Variants in GOLGA3 observed in about 807,000 individuals in gnomAD.
The protein encoded by GOLGA3 is golgin subfamily A member 3.
Under a neutral mutation model 169.4 loss-of-function variants are expected in GOLGA3, and 75 were observed. That is an observed-to-expected ratio of 0.44 (90% CI 0.37 to 0.54). The LOEUF (loss-of-function observed/expected upper bound fraction) is 0.54. Ranked by LOEUF, GOLGA3 falls within the 20% of genes least tolerant of loss-of-function variation. GOLGA3 has a pLI of 0.00. For synonymous variants in GOLGA3, 824 were observed against 822.4 expected (o/e 1.00, Z -0.03); for missense variants, 1,899 against 1,930.0 (o/e 0.98, Z 0.30).
chr12:132,822,070 G>A lies in GOLGA3; in HGVS notation c.59C>T (p.Pro20Leu), dbSNP rs1428248653. ...CAGTGGGGCCTCGGGGAGAGACGAG[G>A]GGCCACTGTGGGATCTGTCCTCCTG... Reference protein sequence around the residue: ...GLQEDRSHSGPSSLPEAPLKP... With the variant: ...GLQEDRSHSGLSSLPEAPLKP... The change falls in exon 2 of 24, where the codon CCC becomes CTC. Residue 20 changes from proline to leucine, a missense_variant. Pro to Leu is a moderately conservative substitution (Grantham distance 98). Transcript: ENST00000450791. The A allele has an allele frequency of 1.1e-5, 17 of 1,606,632 alleles. No individual in the cohort carries two copies. The East Asian group carries it at 2.7e-4, about 26-fold the overall frequency.
intron 11 of GOLGA3, among the ~76,000 whole-genome samples, chr12:132,795,631 CA>C (rs1207972022): frequency 1.3e-5 from 2 of 152,114 alleles, no homozygotes; most frequent in African/African-American, 4.8e-5. Context: ...CATGGTGGCG[CA>C]CACCTGTAAT....
chr12:132,791,048 CTCAAAAAA>C (rs2046200312), intron 12 of GOLGA3, among the ~76,000 whole-genome samples, 160 bp downstream of exon 12: 1 of 21,922 alleles, frequency 4.6e-5, no homozygotes, highest in South Asian at 2.9e-3. Context: ...GAGACTCCGT[CTCAAAAAA>C]AAAAAAAAAA....
intron 3 of GOLGA3, among the ~76,000 whole-genome samples, chr12:132,814,253 A>G (rs2136682576): frequency 6.8e-6 from 1 of 147,938 alleles, no homozygotes; most frequent in African/African-American, 2.5e-5. Flanking sequence ...CGAACTCCCG[A>G]CCTGAGGTGA....
At chr12:132,791,574 G>A (rs906438755) in intron 11 of GOLGA3, among the ~76,000 whole-genome samples, 14 of 147,606 alleles carry the variant, frequency 9.5e-5, no homozygotes, top group South Asian at 4.3e-4. Flanking sequence ...TTACACTGAG[G>A]GCTCCAGGAA....
intron 21 of GOLGA3, among the ~76,000 whole-genome samples, chr12:132,775,669 C>G (rs2045187908): frequency 6.6e-6 from 1 of 152,228 alleles, no homozygotes. Context: ...CCACAGCTCA[C>G]TGCCTAAGTG....
At position 132,816,612 on chromosome 12, in the gene GOLGA3, C is replaced by G. The variant is rs1466444245; in HGVS notation, c.334G>C (p.Ala112Pro). Residue 112 changes from alanine to proline, a missense_variant, in exon 3 of 24, where the codon GCT becomes CCT. Ala to Pro is a conservative substitution (Grantham distance 27). Coordinates refer to ENST00000450791, the MANE Select transcript of GOLGA3 (RefSeq NM_001389683.1). ...DNLRKSQGTSAEGSVRKEALQ... is the reference protein window; with the variant it reads ...DNLRKSQGTSPEGSVRKEALQ... ...GCTTCTTTTCTAACACTGCCCTCAG[C>G]ACTAGTTCCCTGAGACTTCCTTAGG... is the stretch of plus-strand genomic sequence containing the variant. 6.2e-7 allele frequency: 1 copy of G among 1,614,086 alleles called. No homozygotes were observed. Among genetic ancestry groups the G allele is most frequent in the Admixed American group, 1.7e-5 (1 of 60,032 alleles).
chr12:132,806,446 G>A (rs1447075482), intron 6 of GOLGA3, among the ~76,000 whole-genome samples: 1 of 152,214 alleles, frequency 6.6e-6, no homozygotes, highest in Non-Finnish European at 1.5e-5. Flanking sequence ...GTCACAAACT[G>A]GTTGGTTTGT....
In GOLGA3 at chr12:132,770,232, CA is replaced by C. The variant is rs10553966; in HGVS notation, c.*2872del. ...TGGGCGACAGAGCGAGACTCTGTCT[CA>C]AAAAAAAAAAAAAAAAATTCCAACT... On this transcript the variant is annotated 3_prime_UTR_variant, in exon 24 of 24. Transcript: ENST00000450791. 72,125 of 135,538 alleles carry C rather than the reference CA, an allele frequency of 0.53. 18,763 individuals carry two copies. The highest frequency in any genetic ancestry group is 0.69 in the Middle Eastern group (183 of 264). The allele number at this position is 135,538 out of a possible 1,614,324, so 8.4% of individuals were successfully genotyped here. A position where few individuals can be genotyped will look rare whatever the true frequency, so the allele number is the denominator to read the frequency against.
In GOLGA3 at chr12:132,796,364, C is replaced by G. The variant is rs112799130; in HGVS notation, c.2101-144G>C. The G allele has an allele frequency of 5.7e-6, 7 of 1,219,456 alleles. No homozygotes were observed. The African/African-American group carries it at 6.1e-5, about 11-fold the overall frequency. The allele number at this position is 1,219,456 out of a possible 1,614,324, so 75.5% of individuals were successfully genotyped here. ...CACAATCCTGGTATAGAAGAACCAG[C>G]AGGGCAAACACAGGGTCAGGTCTGC... On this transcript the variant is annotated intron_variant, in intron 10 of 23. Transcript: ENST00000450791.
chr12:132,808,360 T>A lies in GOLGA3; in HGVS notation c.709A>T (p.Thr237Ser), dbSNP rs1204181921. ...GLPAHPREKKTSKSSKIRSLA... is the reference protein window; with the variant it reads ...GLPAHPREKKSSKSSKIRSLA... ...GACCGGATTTTGCTTGATTTGGAAG[T>A]TTTTTTCTCCCTAGGATGTGCCGGA... Residue 237 changes from threonine to serine, a missense_variant, in exon 5 of 24, where the codon ACT becomes TCT. Coordinates refer to ENST00000450791, the MANE Select transcript of GOLGA3 (RefSeq NM_001389683.1). 6.2e-7 allele frequency: 1 copy of A among 1,614,016 alleles called. No homozygotes were observed. The highest frequency in any genetic ancestry group is 1.7e-5 in the Admixed American group (1 of 59,998).
In GOLGA3 at chr12:132,808,008, G is replaced by A. The variant is rs151057597; in HGVS notation, c.1061C>T (p.Thr354Ile). The A allele has an allele frequency of 1.0e-4, 165 of 1,611,686 alleles. No individual in the cohort carries two copies. Among genetic ancestry groups the A allele is most frequent in the Middle Eastern group, 1.6e-4 (1 of 6,078 alleles). Residue 354 changes from threonine to isoleucine, a missense_variant, in exon 5 of 24, where the codon ACC (threonine) becomes ATC (isoleucine). Transcript: ENST00000450791. ...CTTAATGGAGGGGAACTGGCCCAGG[G>A]TATCCGCAGGAATCTCCTGGCCGTT... ...MVNGQEIPAD[T>I]LGQFPSIKDV...
chr12:132,779,830 C>A (rs1402383176), intron 18 of GOLGA3, among the ~76,000 whole-genome samples: 3 of 118,404 alleles, frequency 2.5e-5, no homozygotes, highest in Non-Finnish European at 5.3e-5. Flanking sequence ...CACACCACAG[C>A]CCTTGCACGG....
chr12:132,791,079 AAAAAAAAAT>A, intron 12 of GOLGA3, 128 bp downstream of exon 12: 1 of 360,266 alleles, frequency 2.8e-6, no homozygotes, highest in Non-Finnish European at 4.9e-6. Context: ...AAAAAAAAAA[AAAAAAAAAT>A]TTAAAGAGAA....
intron 22 of GOLGA3, chr12:132,774,705 A>G (rs1369534963): frequency 2.7e-5 from 11 of 402,514 alleles, no homozygotes; most frequent in Non-Finnish European, 4.4e-5. Context: ...TGGGACTTCA[A>G]ACTTTTTCCA....
At position 132,786,697 on chromosome 12, in the gene GOLGA3, G is replaced by C. The variant is rs780546415; in HGVS notation, c.2902C>G (p.Arg968Gly). 7.9e-5 allele frequency: 125 copies of C among 1,580,000 alleles called. No individual in the cohort carries two copies. The highest frequency in any genetic ancestry group is 1.0e-4 in the Non-Finnish European group (121 of 1,168,654). Residue 968 changes from arginine (R) to glycine (G), a missense_variant, in exon 14 of 24, where the codon CGG becomes GGG. Transcript: ENST00000450791. ...CCCGGGCACATGCAGACTTACTTCCGGGCCTCTTGCTGCAACTCTTCGATT... is the reference window on the plus strand; with the variant it reads ...CCCGGGCACATGCAGACTTACTTCCCGGCCTCTTGCTGCAACTCTTCGATT... Reference protein sequence around the residue: ...KQIEELQQEARKAITEQKQKM... With the variant: ...KQIEELQQEAGKAITEQKQKM...
intron 4 of GOLGA3, among the ~76,000 whole-genome samples, chr12:132,812,689 T>C (rs1305477605): frequency 1.3e-5 from 2 of 152,210 alleles, no homozygotes; most frequent in Non-Finnish European, 2.9e-5. Flanking sequence ...TGTGACTGAA[T>C]TGCTGCAATC....
intron 17 of GOLGA3, among the ~76,000 whole-genome samples, chr12:132,781,292 T>A (rs1593244535): frequency 6.6e-6 from 1 of 150,906 alleles, no homozygotes; most frequent in African/African-American, 2.4e-5. Flanking sequence ...CCGGGCGCGG[T>A]GGCTCACACC....
At chr12:132,776,344 C>T (rs1292389683) in intron 21 of GOLGA3, among the ~76,000 whole-genome samples, 1 of 142,270 alleles carries the variant, frequency 7.0e-6, no homozygotes, top group East Asian at 2.4e-4. Flanking sequence ...GTAGCCCCTC[C>T]AGCTCCTTCC....
At chr12:132,784,532 A>C (rs1034967198) in intron 15 of GOLGA3, among the ~76,000 whole-genome samples, 2 of 152,210 alleles carry the variant, frequency 1.3e-5, no homozygotes, top group Non-Finnish European at 2.9e-5. Flanking sequence ...TCATCTCTTC[A>C]GTTCAATGCT....
Sources: allele counts gnomAD v4.1 joint callset (sites outside exome capture counted in the v4.1 genomes callset), GRCh38; gene constraint gnomAD v4.1.1; transcripts MANE v1.5; gene names NCBI Gene and HGNC (gene_info 2026-07-23, HGNC 2026-07-21).